Variants in PBLD observed in about 807,000 individuals in gnomAD.
The protein encoded by PBLD is phenazine biosynthesis-like domain-containing protein.
Under a neutral mutation model 31.3 loss-of-function variants are expected in PBLD, and 26 were observed. The observed-to-expected ratio is 0.83, with a 90% CI of 0.61 to 1.15. The LOEUF (loss-of-function observed/expected upper bound fraction) is 1.15, where lower values mean the gene tolerates loss of function less well. PBLD is among the 50% of genes most tolerant of loss of function. The probability of loss-of-function intolerance (pLI) is 0.00; values close to 1 mark genes in which losing one functional copy is unlikely to be tolerated. For missense variants in PBLD, 307 were observed against 351.7 expected (o/e 0.87, Z 1.02); for synonymous variants, 114 against 129.0 (o/e 0.88, Z 0.79).
chr10:68,284,966 G>T, intron 9 of PBLD: 1 of 1,023,010 alleles, frequency 9.8e-7, no homozygotes. Flanking sequence ...TAATCACTAG[G>T]GGACTTGGTT....
intron 1 of PBLD, among the ~76,000 whole-genome samples, chr10:68,325,351 G>A (rs2044902084): frequency 1.3e-5 from 2 of 152,112 alleles, no homozygotes; most frequent in Non-Finnish European, 2.9e-5. Context: ...ATCACTTGAG[G>A]TGAGGAGTTT....
At chr10:68,292,937 T>G (rs189642399) in intron 4 of PBLD, among the ~76,000 whole-genome samples, 2 of 152,256 alleles carry the variant, frequency 1.3e-5, no homozygotes, top group African/African-American at 4.8e-5. Flanking sequence ...ACTGGCTCAC[T>G]GCAGCCTTGA....
chr10:68,319,877 G>A (rs1340254078), intron 1 of PBLD, among the ~76,000 whole-genome samples: 1 of 148,730 alleles, frequency 6.7e-6, no homozygotes, highest in Non-Finnish European at 1.5e-5. Flanking sequence ...AGGCTGGAGT[G>A]CAATGGTGCA....
At chr10:68,309,684 T>G (rs1564733739) in intron 1 of PBLD, among the ~76,000 whole-genome samples, 1 of 148,644 alleles carries the variant, frequency 6.7e-6, no homozygotes, top group Non-Finnish European at 1.5e-5. Flanking sequence ...GGCACATGCC[T>G]GTAATCCCAG....
At position 68,288,790 on chromosome 10, in the gene PBLD, G is replaced by T. The variant is rs753640297; in HGVS notation, c.513-129C>A. The T allele has an allele frequency of 2.4e-6, 3 of 1,270,248 alleles. No individual in the cohort carries two copies. In the East Asian group the frequency reaches 7.0e-5, roughly 30 times the overall value. The allele number at this position is 1,270,248 out of a possible 1,614,324, so 78.7% of individuals were successfully genotyped here. ...CAGGAGGGGAAGGAAGAACAAGTGG[G>T]AATGTCTTCCTATCAGGGAAAGAAA... On this transcript the variant is annotated intron_variant, in intron 7 of 9. Coordinates refer to ENST00000358769, the MANE Select transcript of PBLD (RefSeq NM_022129.4).
At chr10:68,295,494 GAA>G (rs11390819) in intron 4 of PBLD, among the ~76,000 whole-genome samples, 1 of 127,608 alleles carries the variant, frequency 7.8e-6, no homozygotes, top group African/African-American at 2.9e-5. Flanking sequence ...CCCCATCTCA[GAA>G]AAAAAAAAAA....
chr10:68,308,882 T>TG (rs1480555644), intron 1 of PBLD, among the ~76,000 whole-genome samples: 26 of 57,934 alleles, frequency 4.5e-4, no homozygotes, highest in African/African-American at 1.3e-3. Context: ...GTGTGTGTGT[T>TG]TGTGTGTGTG....
chr10:68,328,235 T>C (rs1589678988), intron 1 of PBLD, among the ~76,000 whole-genome samples: 1 of 152,200 alleles, frequency 6.6e-6, no homozygotes, highest in East Asian at 1.9e-4. Context: ...TTTTGTTACA[T>C]TTTTTAGATT....
rs1371960735 is a variant in PBLD, at chr10:68,326,448, T to C, written c.-60+6336A>G. Reference sequence around the variant, plus strand: ...TTAATAACAGCTGCATCTGCCTATATTGGAAAATCAGCAGCACATTACATC... The same window carrying C: ...TTAATAACAGCTGCATCTGCCTATACTGGAAAATCAGCAGCACATTACATC... On this transcript the variant is annotated intron_variant, in intron 1 of 9. Transcript: ENST00000358769. Among the ~76,000 whole-genome samples, 8 of 152,340 alleles carry C rather than the reference T, an allele frequency of 5.3e-5. No individual in the cohort carries two copies. The South Asian group carries it at 1.4e-3, about 28-fold the overall frequency.
At chr10:68,321,739 G>A (rs1160864718) in intron 1 of PBLD, among the ~76,000 whole-genome samples, 1 of 152,108 alleles carries the variant, frequency 6.6e-6, no homozygotes, top group Non-Finnish European at 1.5e-5. Context: ...AAGGAATACA[G>A]GAGTCAACCT....
intron 3 of PBLD, among the ~76,000 whole-genome samples, chr10:68,296,606 C>A (rs948097812): frequency 5.9e-5 from 9 of 152,166 alleles, no homozygotes; most frequent in Non-Finnish European, 5.9e-5. Context: ...CAGAATCTCC[C>A]GCTCTATCTA....
intron 1 of PBLD, among the ~76,000 whole-genome samples, chr10:68,322,499 A>C (rs1390014977): frequency 6.8e-6 from 1 of 147,396 alleles, no homozygotes; most frequent in East Asian, 2.1e-4. Flanking sequence ...CATCTCGACA[A>C]AAAATTAAAA....
At chr10:68,331,784 TG>T (rs1278694577) in intron 1 of PBLD, 1 of 152,316 alleles carries the variant, frequency 6.6e-6, no homozygotes, top group Admixed American at 6.5e-5. Flanking sequence ...GAACTGCCAT[TG>T]CCATCGCCCC....
Position 68,296,920 on chromosome 10 carries a change from G to A in PBLD, c.150C>T (p.Ile50=), listed in dbSNP as rs61729368. The change falls in exon 3 of 10, where the codon ATC becomes ATT. Residue 50 remains isoleucine, a synonymous_variant. Coordinates refer to ENST00000358769, the MANE Select transcript of PBLD (RefSeq NM_022129.4). ...REMNLSETAF[I]RKLHPTDNFA... is the part of the protein sequence containing the mutation. ...AGTTGTCTGTCGGGTGCAGTTTTCGGATAAAAGCAGTTTCAGAGAGGTTCA... is the reference window on the plus strand; with the variant it reads ...AGTTGTCTGTCGGGTGCAGTTTTCGAATAAAAGCAGTTTCAGAGAGGTTCA... The A allele has an allele frequency of 1.5e-3, 2,390 of 1,613,948 alleles. 40 individuals are homozygous for A. In the African/African-American group the frequency reaches 0.029, roughly 19 times the overall value.
chr10:68,310,804 T>C (rs1226306359), intron 1 of PBLD, among the ~76,000 whole-genome samples: 1 of 138,868 alleles, frequency 7.2e-6, no homozygotes, highest in Non-Finnish European at 1.5e-5. Context: ...GGCTGAATAA[T>C]ATTCTATTGC....
intron 1 of PBLD, among the ~76,000 whole-genome samples, chr10:68,322,428 A>G (rs959841785): frequency 6.6e-6 from 1 of 151,728 alleles, no homozygotes; most frequent in Non-Finnish European, 1.5e-5. Flanking sequence ...TGGGAGGCCG[A>G]GGTAGAAGGA....
chr10:68,289,310 C>G (rs189900826), intron 6 of PBLD, among the ~76,000 whole-genome samples: 1 of 152,150 alleles, frequency 6.6e-6, no homozygotes, highest in South Asian at 2.1e-4. Flanking sequence ...GGTGGATCAC[C>G]TGAGGTCAGG....
chr10:68,306,652 C>A (rs985439627), intron 2 of PBLD, 109 bp downstream of exon 2: 2 of 1,018,266 alleles, frequency 2.0e-6, no homozygotes, highest in Non-Finnish European at 2.9e-6. Context: ...TGGCAAAGAA[C>A]ACAAACCAAA....
intron 6 of PBLD, among the ~76,000 whole-genome samples, 164 bp downstream of exon 6, chr10:68,291,846 C>T (rs1009334466): frequency 6.6e-6 from 1 of 152,194 alleles, no homozygotes; most frequent in Non-Finnish European, 1.5e-5. Context: ...CCAAGGAAAA[C>T]TGGTCAACCT....
Sources: allele counts gnomAD v4.1 joint callset (sites outside exome capture counted in the v4.1 genomes callset), GRCh38; gene constraint gnomAD v4.1.1; transcripts MANE v1.5; gene names NCBI Gene and HGNC (gene_info 2026-07-23, HGNC 2026-07-21).